The following PKD1L1 variants were observed in gnomAD, a reference collection of about 807,000 sequenced individuals.
The protein encoded by PKD1L1 is polycystin-1-like protein 1.
In PKD1L1, 236 loss-of-function variants were observed where a neutral mutation model predicts 323.4. The observed-to-expected ratio is 0.73, with a 90% CI of 0.66 to 0.81. The LOEUF is 0.81. PKD1L1 is among the 40% of genes least tolerant of loss of function. PKD1L1 has a pLI of 0.00. For missense variants in PKD1L1, 3,320 were observed against 3,508.0 expected (o/e 0.95, Z 1.35); for synonymous variants, 1,344 against 1,335.0 (o/e 1.01, Z -0.15).
intron 14 of PKD1L1, among the ~76,000 whole-genome samples, chr7:47,896,678 T>C (rs1182218015): frequency 4.6e-5 from 7 of 152,158 alleles, no homozygotes; most frequent in Non-Finnish European, 1.5e-5. Context: ...CAAATAGTGC[T>C]GTTTTCATTA....
rs1177967685 is a variant in PKD1L1 at position 47,905,303 on chromosome 7, T to A, written c.1545A>T (p.Gly515=). The A allele has an allele frequency of 1.1e-5, 17 of 1,613,990 alleles. No individual in the cohort carries two copies. Among genetic ancestry groups the A allele is most frequent in the Non-Finnish European group, 1.4e-5 (17 of 1,180,008 alleles). Residue 515 remains glycine, a synonymous_variant, in exon 11 of 57, where the codon GGA becomes GGT. Transcript: ENST00000289672. The part of the protein sequence containing the change: ...KMQSVSVYTN[G]TVFATDTDIT... ...TGTCTGTGTCTGTGGCAAACACAGTTCCATTTGTGTAGACAGAGACGGCTG... is the reference window on the plus strand; with the variant it reads ...TGTCTGTGTCTGTGGCAAACACAGTACCATTTGTGTAGACAGAGACGGCTG...
chr7:47,936,624 G>A (rs1402401096), intron 4 of PKD1L1, among the ~76,000 whole-genome samples: 1 of 152,040 alleles, frequency 6.6e-6, no homozygotes, highest in East Asian at 1.9e-4. Flanking sequence ...CACCTTCTAC[G>A]GCTCCCAGCA....
Position 47,792,840 on chromosome 7 carries a change from T to C in PKD1L1, c.8356-43A>G, listed in dbSNP as rs746666534. ...AGATTAGTAAATGCATTCAAGAATCTCATTATCCCCCTTTCCTCATTATGT... is the reference window on the plus strand; with the variant it reads ...AGATTAGTAAATGCATTCAAGAATCCCATTATCCCCCTTTCCTCATTATGT... On this transcript the variant is annotated intron_variant, in intron 55 of 56. Coordinates refer to ENST00000289672, the MANE Select transcript of PKD1L1 (RefSeq NM_138295.5). 17 of 1,535,950 alleles carry C rather than the reference T, an allele frequency of 1.1e-5. No individual in the cohort carries two copies. The East Asian group carries it at 2.9e-4, about 26-fold the overall frequency.
intron 3 of PKD1L1, among the ~76,000 whole-genome samples, chr7:47,937,259 T>TGGGGGGGGGGGGGGGGGG (rs10610147): frequency 1.4e-5 from 1 of 73,088 alleles, no homozygotes; most frequent in Non-Finnish European, 2.6e-5. Context: ...GGGGTGGGGG[T>TGGGGGGGGGGGGGGGGGG]GGGGGGGGGG....
At chr7:47,952,420 G>C (rs1025946808), upstream of PKD1L1, among the ~76,000 whole-genome samples, 1 of 152,154 alleles carries the variant, frequency 6.6e-6, no homozygotes, top group African/African-American at 2.4e-5. Context: ...AATGGAACCC[G>C]AAGCAACAGG....
At chr7:47,799,303 T>G (rs913152196) in intron 54 of PKD1L1, among the ~76,000 whole-genome samples, 2 of 152,136 alleles carry the variant, frequency 1.3e-5, no homozygotes, top group African/African-American at 4.8e-5. Context: ...CTAGGATCAT[T>G]GATAAAAGCA....
At chr7:47,792,368 T>C (rs1208898905) in intron 56 of PKD1L1, among the ~76,000 whole-genome samples, 9 of 152,188 alleles carry the variant, frequency 5.9e-5, no homozygotes, top group African/African-American at 2.2e-4. Flanking sequence ...TCAGTCTCCT[T>C]GTTGATTTCA....
At chr7:47,880,205 G>A (rs1047872735) in intron 21 of PKD1L1, among the ~76,000 whole-genome samples, 1 of 141,870 alleles carries the variant, frequency 7.0e-6, no homozygotes, top group East Asian at 2.0e-4. Flanking sequence ...GGACAGATTT[G>A]CAGGAAAGGA....
the PKD1L1 span, among the ~76,000 whole-genome samples, chr7:47,958,742 G>A: frequency 6.6e-6 from 1 of 152,184 alleles, no homozygotes; most frequent in African/African-American, 2.4e-5. Flanking sequence ...CAACTTAATA[G>A]TAAGAAAACA....
chr7:47,912,128 T>C (rs1317857916), intron 8 of PKD1L1, among the ~76,000 whole-genome samples: 1 of 152,094 alleles, frequency 6.6e-6, no homozygotes, highest in Non-Finnish European at 1.5e-5. Flanking sequence ...AGAACAGGAC[T>C]GAACAACTTG....
rs1414114066 is a variant in PKD1L1 at position 47,893,180 on chromosome 7, A to AG, written c.2453+697dup. Among the ~76,000 whole-genome samples, 4 of 142,080 alleles carry AG rather than the reference A, an allele frequency of 2.8e-5. No homozygotes were observed. The East Asian group carries it at 9.4e-4, about 33-fold the overall frequency. 93.2% of individuals were successfully genotyped at this position (142,080 alleles called of 152,430 possible). ...GGGAGGCGGAGTTTGCAGTGAGCTGAGATCGAGCCACTGCACTCCAGTCTG... is the reference window on the plus strand; with the variant it reads ...GGGAGGCGGAGTTTGCAGTGAGCTGAGGATCGAGCCACTGCACTCCAGTCTG... On this transcript the variant is annotated intron_variant, in intron 15 of 56. Transcript: ENST00000289672.
chr7:47,791,334 T>C (rs893382226), intron 56 of PKD1L1, among the ~76,000 whole-genome samples: 1 of 152,208 alleles, frequency 6.6e-6, no homozygotes, highest in Non-Finnish European at 1.5e-5. Context: ...GTTTATTCTC[T>C]TTTCTGTGAA....
intron 2 of PKD1L1, among the ~76,000 whole-genome samples, chr7:47,942,649 C>A (rs573187531): frequency 3.9e-5 from 6 of 152,220 alleles, no homozygotes; most frequent in Non-Finnish European, 7.4e-5. Flanking sequence ...AACAGAGATA[C>A]TCTCTGTGTT....
At chr7:47,819,871 T>C in intron 46 of PKD1L1, 1 of 245,046 alleles carries the variant, frequency 4.1e-6, no homozygotes, top group South Asian at 4.3e-5. Flanking sequence ...CACTCACTTC[T>C]GCCAAAAAAT....
intron 27 of PKD1L1, 21 bp downstream of exon 27, chr7:47,858,652 T>C (rs1192708881): frequency 1.9e-6 from 3 of 1,590,288 alleles, no homozygotes; most frequent in Non-Finnish European, 2.6e-6. Flanking sequence ...TTTTTATGGA[T>C]GGAGAAAAAG....
intron 54 of PKD1L1, among the ~76,000 whole-genome samples, chr7:47,798,573 T>C (rs891425557): frequency 7.9e-5 from 12 of 151,936 alleles, no homozygotes; most frequent in Non-Finnish European, 1.8e-4. Context: ...CTTACCAACA[T>C]GACGAAACCC....
intron 14 of PKD1L1, 103 bp from the exon 15 acceptor site, chr7:47,894,162 C>G: frequency 9.6e-7 from 1 of 1,036,940 alleles, no homozygotes. Context: ...CGACGAGTCT[C>G]AACGCATCCC....
intron 54 of PKD1L1, among the ~76,000 whole-genome samples, chr7:47,799,864 C>A (rs1784622742): frequency 6.6e-6 from 1 of 152,204 alleles, no homozygotes; most frequent in Admixed American, 6.5e-5. Flanking sequence ...GTGATGTGGG[C>A]ATAGCAATCC....
At chr7:47,822,953 CTTT>C (rs34162840) in intron 45 of PKD1L1, among the ~76,000 whole-genome samples, 5 of 146,876 alleles carry the variant, frequency 3.4e-5, no homozygotes, top group Admixed American at 6.8e-5. Flanking sequence ...TTCCAGAACC[CTTT>C]TTTTTTTTGT....
Sources: gnomAD v4.1 joint callset for allele counts (sites outside exome capture counted in the v4.1 genomes callset) on GRCh38, gnomAD v4.1.1 for gene constraint, MANE v1.5 for transcripts, NCBI Gene and HGNC (gene_info 2026-07-23, HGNC 2026-07-21) for gene names.